The following NCKIPSD variants were observed in gnomAD, a reference collection of about 807,000 sequenced individuals.
NCKIPSD encodes NCK interacting protein with SH3 domain.
NCKIPSD carries 48 observed loss-of-function variants against 73.4 expected under a neutral mutation model. The observed-to-expected ratio is 0.65, with a 90% CI of 0.52 to 0.83. The LOEUF is 0.83. NCKIPSD is among the 40% of genes least tolerant of loss of function. The pLI is 0.00. For missense variants in NCKIPSD, 884 were observed against 970.2 expected (o/e 0.91, Z 1.18); for synonymous variants, 422 against 403.6 (o/e 1.05, Z -0.54).
In NCKIPSD at chr3:48,685,844, G is replaced by A. The variant is rs1395080928; in HGVS notation, c.-37C>T. On this transcript the variant is annotated 5_prime_UTR_variant, in exon 1 of 13. Transcript: ENST00000294129. ...GGGCAGGTGCAGGGAAGGTGGCAAG[G>A]GCTGCGGCGCCACAACGCCAGGCCG... 1.5e-6 allele frequency: 2 copies of A among 1,372,978 alleles called. No individual in the cohort carries two copies. The highest frequency in any genetic ancestry group is 6.0e-5 in the East Asian group (2 of 33,276). 85.0% of individuals were successfully genotyped at this position (1,372,978 alleles called of 1,614,324 possible).
At chr3:48,685,220 AG>A (rs2077418367) in intron 1 of NCKIPSD, among the ~76,000 whole-genome samples, 3 of 6,430 alleles carry the variant, frequency 4.7e-4, no homozygotes, top group Non-Finnish European at 6.0e-4. Flanking sequence ...GGAGGGAGGG[AG>A]GGAGGGAGGT....
intron 12 of NCKIPSD, among the ~76,000 whole-genome samples, chr3:48,677,147 G>A (rs1179869877): frequency 6.6e-6 from 1 of 150,616 alleles, no homozygotes; most frequent in Admixed American, 6.6e-5. Context: ...CCAACACTTT[G>A]GGAGGCTGAG....
Position 48,681,300 on chromosome 3 carries a change from A to G in NCKIPSD, c.1079T>C (p.Leu360Pro). The G allele has an allele frequency of 6.2e-7, 1 of 1,605,548 alleles. No homozygotes were observed. The highest frequency in any genetic ancestry group is 1.1e-5 in the South Asian group (1 of 90,512). Residue 360 changes from leucine to proline, a missense_variant, in exon 5 of 13, where the codon CTC becomes CCC. By Grantham distance (98) the Leu-to-Pro change is moderately conservative. Coordinates refer to ENST00000294129, the MANE Select transcript of NCKIPSD (RefSeq NM_016453.4). Reference sequence around the variant, plus strand: ...GCCCACCCTCACCTTGCCCTCTACGAGTGAGAGGAGGACCTGCTCCATGAC... The same window carrying G: ...GCCCACCCTCACCTTGCCCTCTACGGGTGAGAGGAGGACCTGCTCCATGAC... ...SPVMEQVLLSLVEGKDLSMAL... is the reference protein window; with the variant it reads ...SPVMEQVLLSPVEGKDLSMAL...
In NCKIPSD at chr3:48,674,272, G is replaced by T; in HGVS notation, c.*272C>A. On this transcript the variant is annotated 3_prime_UTR_variant, in exon 13 of 13. Coordinates refer to ENST00000294129, the MANE Select transcript of NCKIPSD (RefSeq NM_016453.4). Reference sequence around the variant, plus strand: ...ACTCTGAGTGTACACATGGGTGTGGGGTGAAGAGGGGGGCATGCTGAAGAG... The same window carrying T: ...ACTCTGAGTGTACACATGGGTGTGGTGTGAAGAGGGGGGCATGCTGAAGAG... 6.7e-6 allele frequency: 9 copies of T among 1,335,200 alleles called. No individual in the cohort carries two copies. Among genetic ancestry groups the T allele is most frequent in the Non-Finnish European group, 8.7e-6 (9 of 1,035,052 alleles). The allele number at this position is 1,335,200 out of a possible 1,614,324, so 82.7% of individuals were successfully genotyped here.
chr3:48,674,112 C>A lies in NCKIPSD; in HGVS notation c.*432G>T. On this transcript the variant is annotated 3_prime_UTR_variant, in exon 13 of 13. Transcript: ENST00000294129. ...GAGGGGAGGACATGAGCAGCACTCA[C>A]TGCAAAGCTAAGGCAAAGAATAGAG... The A allele has an allele frequency of 9.0e-7, 1 of 1,113,922 alleles. No individual in the cohort carries two copies. Among genetic ancestry groups the A allele is most frequent in the Non-Finnish European group, 1.1e-6 (1 of 907,996 alleles). The allele number at this position is 1,113,922 out of a possible 1,614,324, so 69.0% of individuals were successfully genotyped here. A position where few individuals can be genotyped will look rare whatever the true frequency, so the allele number is the denominator to read the frequency against.
Position 48,680,208 on chromosome 3 carries a change from A to C in NCKIPSD, c.1114T>G (p.Ser372Ala). 1.9e-6 allele frequency: 3 copies of C among 1,612,726 alleles called. No homozygotes were observed. Among genetic ancestry groups the C allele is most frequent in the Non-Finnish European group, 2.5e-6 (3 of 1,179,436 alleles). The part of the protein sequence containing the change: ...EGKDLSMALP[S>A]GQVCHDQQRL... ...TGCTGGTCGTGGCAGACCTGCCCTGAGGGCAGGGCCATGCTGAGGTCCTAG... is the reference window on the plus strand; with the variant it reads ...TGCTGGTCGTGGCAGACCTGCCCTGCGGGCAGGGCCATGCTGAGGTCCTAG... Residue 372 changes from serine to alanine, a missense_variant, in exon 6 of 13, where the codon TCA (serine) becomes GCA (alanine). Transcript: ENST00000294129.
At chr3:48,683,136 A>G in intron 1 of NCKIPSD, 124 bp from the exon 2 acceptor site, 2 of 1,504,204 alleles carry the variant, frequency 1.3e-6, no homozygotes, top group Non-Finnish European at 1.8e-6. Context: ...TGCTAGACAT[A>G]GCACAAAAAG....
chr3:48,680,950 C>T (rs1468148178), intron 5 of NCKIPSD, among the ~76,000 whole-genome samples: 2 of 152,150 alleles, frequency 1.3e-5, no homozygotes, highest in African/African-American at 2.4e-5. Context: ...CTTGGCCACC[C>T]GCATGTCGTC....
intron 3 of NCKIPSD, 94 bp downstream of exon 3, chr3:48,682,254 T>A (rs1469894445): frequency 1.9e-6 from 3 of 1,574,718 alleles, no homozygotes; most frequent in African/African-American, 1.3e-5. Context: ...ACTATGGCTC[T>A]GGGCCGCATC....
chr3:48,680,204 CCT>C lies in NCKIPSD; in HGVS notation c.1116_1117del (p.Gly373AlafsTer32). 1 of 1,613,158 alleles carries C rather than the reference CCT, an allele frequency of 6.2e-7. No homozygotes were observed. The highest frequency in any genetic ancestry group is 8.5e-7 in the Non-Finnish European group (1 of 1,179,694). ...CCTCTGCTGGTCGTGGCAGACCTGC[CCT>C]GAGGGCAGGGCCATGCTGAGGTCCT... On this transcript the variant is annotated frameshift_variant, in exon 6 of 13. Coordinates refer to ENST00000294129, the MANE Select transcript of NCKIPSD (RefSeq NM_016453.4). LOFTEE classifies it high-confidence loss of function.
chr3:48,681,093 C>A (rs1575566191), intron 5 of NCKIPSD, 194 bp downstream of exon 5: 1 of 834,436 alleles, frequency 1.2e-6, no homozygotes, highest in East Asian at 2.7e-5. Context: ...GGCCCTTGTC[C>A]AGGCTGCGCA....
intron 3 of NCKIPSD, 62 bp from the exon 4 acceptor site, chr3:48,682,218 G>A (rs1426948287): frequency 6.4e-7 from 1 of 1,566,402 alleles, no homozygotes; most frequent in African/African-American, 1.3e-5. Context: ...GCGAGGCTCG[G>A]GCCCTGAGCC....
rs1482396213 is a variant in NCKIPSD, at chr3:48,679,463, G to C, written c.1490-6C>G. On this transcript the variant is annotated splice_region_variant and splice_polypyrimidine_tract_variant and intron_variant, in intron 8 of 12. Transcript: ENST00000294129. ...GTAACAGAGTTTCTGGTGGTCTGGG[G>C]GGGACAAGGCAGGCAGTCAGAGTCC... The C allele has an allele frequency of 1.2e-6, 2 of 1,611,124 alleles. No individual in the cohort carries two copies. Among genetic ancestry groups the C allele is most frequent in the East Asian group, 2.2e-5 (1 of 44,828 alleles).
chr3:48,685,517 T>A, intron 1 of NCKIPSD, 120 bp downstream of exon 1: 1 of 1,272,744 alleles, frequency 7.9e-7, no homozygotes, highest in Non-Finnish European at 1.0e-6. Context: ...AAACTCCCTG[T>A]CTGATAGAGG....
rs1447530112 is a variant in NCKIPSD at position 48,678,893 on chromosome 3, C to G, written c.1776G>C (p.Leu592Phe). The G allele has an allele frequency of 6.2e-7, 1 of 1,613,838 alleles. No individual in the cohort carries two copies. Among genetic ancestry groups the G allele is most frequent in the East Asian group, 2.2e-5 (1 of 44,888 alleles). Residue 592 changes from leucine to phenylalanine, a missense_variant, in exon 11 of 13, where the codon TTG becomes TTC. Coordinates refer to ENST00000294129, the MANE Select transcript of NCKIPSD (RefSeq NM_016453.4). ...NVKIFSEKLL[L>F]LLNRGDDPVR... ...GGCCCTCACCCCCTCTGTTCAGGAGCAACAACAGCTTCTCGGAGAAGATCT... is the reference window on the plus strand; with the variant it reads ...GGCCCTCACCCCCTCTGTTCAGGAGGAACAACAGCTTCTCGGAGAAGATCT...
At chr3:48,675,535 A>ATC (rs1170609296) in intron 12 of NCKIPSD, among the ~76,000 whole-genome samples, 3 of 139,956 alleles carry the variant, frequency 2.1e-5, no homozygotes, top group Non-Finnish European at 4.6e-5. Context: ...TATGATATAT[A>ATC]TATATATATA....
intron 8 of NCKIPSD, 54 bp from the exon 9 acceptor site, chr3:48,679,511 G>C: frequency 6.2e-7 from 1 of 1,607,008 alleles, no homozygotes. Flanking sequence ...GGAAACCCCA[G>C]CAGATGGCAG....
At chr3:48,683,048 G>C in intron 1 of NCKIPSD, 36 bp from the exon 2 acceptor site, 1 of 1,546,472 alleles carries the variant, frequency 6.5e-7, no homozygotes, top group Non-Finnish European at 8.7e-7. Flanking sequence ...AGACCTGAAG[G>C]CCAAACGGAG....
intron 12 of NCKIPSD, among the ~76,000 whole-genome samples, chr3:48,677,002 C>G (rs767003673): frequency 9.3e-5 from 14 of 150,284 alleles, no homozygotes; most frequent in Non-Finnish European, 1.8e-4. Flanking sequence ...GTCTCGAATT[C>G]CTGACCTCAA....
Sources: allele counts gnomAD v4.1 joint callset (sites outside exome capture counted in the v4.1 genomes callset), GRCh38; gene constraint gnomAD v4.1.1; transcripts MANE v1.5; gene names NCBI Gene and HGNC (gene_info 2026-07-23, HGNC 2026-07-21).